The following EFCAB7 variants were observed in gnomAD, a reference collection of about 807,000 sequenced individuals.
The protein encoded by EFCAB7 is EF-hand calcium-binding domain-containing protein 7.
A neutral mutation model predicts 77.1 loss-of-function variants in EFCAB7; 66 were observed. The ratio of observed to expected loss-of-function variants is 0.86; its 90% CI spans 0.70 to 1.05. The LOEUF is 1.05. Ranked by LOEUF, EFCAB7 falls within the 50% of genes least tolerant of loss-of-function variation. The pLI, the probability that EFCAB7 is intolerant of heterozygous loss-of-function variation, is 0.00. For missense variants in EFCAB7, 638 were observed against 730.5 expected (o/e 0.87, Z 1.46); for synonymous variants, 225 against 243.3 (o/e 0.92, Z 0.70).
At position 63,532,156 on chromosome 1, in the gene EFCAB7, T is replaced by A. The variant is rs1646705416; in HGVS notation, c.399+125T>A. 6 of 709,512 alleles carry A rather than the reference T, an allele frequency of 8.5e-6. No individual in the cohort carries two copies. In the South Asian group the frequency reaches 1.0e-4, roughly 12 times the overall value. 44.0% of individuals were successfully genotyped at this position (709,512 alleles called of 1,614,324 possible). On this transcript the variant is annotated intron_variant, in intron 3 of 13. Transcript: ENST00000371088. The stretch of plus-strand genomic sequence containing the variant: ...TGAGAGGTTAAATGAATTACTTACA[T>A]GTTATTTATAACGTACTTAGGAATC...
At chr1:63,526,498 G>A (rs1340706398) in intron 2 of EFCAB7, among the ~76,000 whole-genome samples, 3 of 152,156 alleles carry the variant, frequency 2.0e-5, no homozygotes, top group African/African-American at 7.2e-5. Flanking sequence ...ACATATTTGT[G>A]CAGCAGTGTC....
At chr1:63,530,231 A>T (rs1646671522) in intron 2 of EFCAB7, among the ~76,000 whole-genome samples, 1 of 152,172 alleles carries the variant, frequency 6.6e-6, no homozygotes, top group Non-Finnish European at 1.5e-5. Context: ...ACTGGTCCTT[A>T]TTACATTAAA....
Position 63,568,526 on chromosome 1 carries a change from A to T in EFCAB7, c.1707+7A>T. On this transcript the variant is annotated splice_region_variant and intron_variant, in intron 12 of 13. Transcript: ENST00000371088. ...GTCAGTTATTGAAAACAAGGTATCAATTATGAGGTGGTTTTCCTCATTTTG... is the reference window on the plus strand; with the variant it reads ...GTCAGTTATTGAAAACAAGGTATCATTTATGAGGTGGTTTTCCTCATTTTG... 6.2e-7 allele frequency: 1 copy of T among 1,601,510 alleles called. No homozygotes were observed. Among genetic ancestry groups the T allele is most frequent in the Non-Finnish European group, 8.5e-7 (1 of 1,174,312 alleles).
rs1327318204 is a variant in EFCAB7, at chr1:63,572,445, TG to T, written c.1820del (p.Cys607PhefsTer4). 32 of 1,577,362 alleles carry T rather than the reference TG, an allele frequency of 2.0e-5. No homozygotes were observed. The highest frequency in any genetic ancestry group is 2.7e-5 in the Non-Finnish European group (32 of 1,166,300). On this transcript the variant is annotated frameshift_variant, in exon 14 of 14. Transcript: ENST00000371088. LOFTEE classifies it high-confidence loss of function. ...VEVGPKSTMV[C>X]QHVMPLNERQ... The stretch of plus-strand genomic sequence containing the variant: ...AGCTTTCTATTTTTATGTGCAGGTT[TG>T]TCAACATGTAATGCCTTTGAATGAA...
At chr1:63,584,406 G>C in the EFCAB7 span, among the ~76,000 whole-genome samples, 7 of 152,050 alleles carry the variant, frequency 4.6e-5, no homozygotes, top group African/African-American at 1.7e-4. Context: ...AATAAAATTA[G>C]CTGGGCATGG....
intron 7 of EFCAB7, chr1:63,550,164 GT>G (rs1646948374): frequency 6.6e-6 from 1 of 152,126 alleles, no homozygotes; most frequent in Non-Finnish European, 1.5e-5. Flanking sequence ...TCTTTCTTTT[GT>G]AATTTGTAAC....
chr1:63,562,472 T>A (rs1198224270), intron 11 of EFCAB7, among the ~76,000 whole-genome samples: 1 of 81,194 alleles, frequency 1.2e-5, no homozygotes, highest in South Asian at 3.5e-4. Context: ...TATATATATA[T>A]ATATATATAT....
intron 2 of EFCAB7, among the ~76,000 whole-genome samples, chr1:63,530,676 T>C (rs1233984921): frequency 6.6e-6 from 1 of 152,202 alleles, no homozygotes; most frequent in Non-Finnish European, 1.5e-5. Flanking sequence ...TCTCTCACAG[T>C]ATATTGACAT....
chr1:63,537,967 A>G, intron 6 of EFCAB7, among the ~76,000 whole-genome samples: 1 of 152,194 alleles, frequency 6.6e-6, no homozygotes, highest in East Asian at 1.9e-4. Flanking sequence ...AAATGGGACT[A>G]TACTGATGTA....
intron 12 of EFCAB7, chr1:63,570,290 T>C (rs374284123): frequency 2.0e-5 from 3 of 152,316 alleles, no homozygotes; most frequent in East Asian, 3.9e-4. Flanking sequence ...CTGCATTTTC[T>C]CCATTTATCA....
intron 2 of EFCAB7, among the ~76,000 whole-genome samples, chr1:63,526,574 A>G (rs996412992): frequency 2.0e-5 from 3 of 152,242 alleles, no homozygotes; most frequent in African/African-American, 7.2e-5. Flanking sequence ...AATTGACAAG[A>G]TTAAAATTTA....
chr1:63,563,254 CATTT>C (rs1357750335), intron 11 of EFCAB7, among the ~76,000 whole-genome samples: 1 of 152,072 alleles, frequency 6.6e-6, no homozygotes, highest in Non-Finnish European at 1.5e-5. Flanking sequence ...ATTTAAATTT[CATTT>C]ATTTATTGAG....
Position 63,533,517 on chromosome 1 carries a change from G to C in EFCAB7, c.550G>C (p.Val184Leu). The change falls in exon 5 of 14, where the codon GTT (valine) becomes CTT (leucine). Residue 184 changes from valine to leucine, a missense_variant. Physicochemically the swap from Val to Leu is conservative, Grantham distance 32. Transcript: ENST00000371088. ...CAAGACTACACTAGAAAAACTAGAGGTTGACAGTAAATTGATGCGTCACCA... is the reference window on the plus strand; with the variant it reads ...CAAGACTACACTAGAAAAACTAGAGCTTGACAGTAAATTGATGCGTCACCA... ...CLKTTLEKLE[V>L]DSKLMRHQFG... The C allele has an allele frequency of 6.2e-7, 1 of 1,613,158 alleles. No individual in the cohort carries two copies. The highest frequency in any genetic ancestry group is 8.5e-7 in the Non-Finnish European group (1 of 1,179,576).
downstream of EFCAB7, among the ~76,000 whole-genome samples, chr1:63,574,824 C>A (rs771237280): frequency 6.6e-6 from 1 of 152,124 alleles, no homozygotes; most frequent in Non-Finnish European, 1.5e-5. Context: ...TAAATATTGA[C>A]GCGTAGTCCT....
chr1:63,578,360 C>G, the EFCAB7 span, among the ~76,000 whole-genome samples: 1 of 151,486 alleles, frequency 6.6e-6, no homozygotes, highest in African/African-American at 2.4e-5. Flanking sequence ...GTGAACAAGC[C>G]AGACATTGCT....
chr1:63,581,776 A>G, the EFCAB7 span, among the ~76,000 whole-genome samples: 1 of 152,174 alleles, frequency 6.6e-6, no homozygotes, highest in Admixed American at 6.5e-5. Context: ...AGCAAGAAAA[A>G]GTTAGGTATG....
intron 6 of EFCAB7, among the ~76,000 whole-genome samples, chr1:63,545,519 T>G (rs1051642822): frequency 1.3e-5 from 2 of 152,114 alleles, no homozygotes; most frequent in Non-Finnish European, 2.9e-5. Context: ...CAAGCTGGAG[T>G]ACAATGGCGC....
intron 6 of EFCAB7, among the ~76,000 whole-genome samples, chr1:63,536,468 C>T (rs1646764133): frequency 6.6e-6 from 1 of 152,158 alleles, no homozygotes. Context: ...GCAACCTCCA[C>T]CTTCCAGGTT....
chr1:63,555,299 A>T, intron 8 of EFCAB7, 59 bp from the exon 9 acceptor site: 1 of 1,506,180 alleles, frequency 6.6e-7, no homozygotes, highest in East Asian at 2.3e-5. Flanking sequence ...AAAAGCTTTA[A>T]ATTAAAAGAT....
Sources: gnomAD v4.1 joint callset for allele counts (sites outside exome capture counted in the v4.1 genomes callset) on GRCh38, gnomAD v4.1.1 for gene constraint, MANE v1.5 for transcripts, NCBI Gene and HGNC (gene_info 2026-07-23, HGNC 2026-07-21) for gene names.